Variants in MYOF observed in about 807,000 individuals in gnomAD.
MYOF encodes fer-1-like 3, myoferlin.
A neutral mutation model predicts 284.2 loss-of-function variants in MYOF; 244 were observed. The observed-to-expected ratio is 0.86, with a 90% CI of 0.77 to 0.95. The LOEUF (loss-of-function observed/expected upper bound fraction) is 0.95, where lower values mean the gene tolerates loss of function less well. Among genes scored for constraint, MYOF ranks in the 40% least tolerant of loss-of-function variants. MYOF has a pLI of 0.00. For synonymous variants in MYOF, 904 were observed against 919.7 expected (o/e 0.98, Z 0.31); for missense variants, 2,496 against 2,560.6 (o/e 0.97, Z 0.54).
intron 1 of MYOF, among the ~76,000 whole-genome samples, chr10:93,481,160 C>T (rs1316103748): frequency 1.3e-5 from 2 of 152,196 alleles, no homozygotes; most frequent in Non-Finnish European, 2.9e-5. Context: ...CCTGTCCCCT[C>T]CCCTGCAATG....
intron 50 of MYOF, among the ~76,000 whole-genome samples, chr10:93,314,158 A>T (rs1433465026): frequency 6.6e-6 from 1 of 152,112 alleles, no homozygotes; most frequent in Non-Finnish European, 1.5e-5. Flanking sequence ...ATGTGATCTC[A>T]GCTCACTGCA....
intron 1 of MYOF, among the ~76,000 whole-genome samples, chr10:93,464,187 C>T (rs2056951346): frequency 6.6e-6 from 1 of 152,186 alleles, no homozygotes; most frequent in African/African-American, 2.4e-5. Context: ...TAGACTCTAA[C>T]ATAGAAACCC....
intron 25 of MYOF, among the ~76,000 whole-genome samples, chr10:93,367,460 G>A (rs1341184344): frequency 6.6e-6 from 1 of 152,194 alleles, no homozygotes; most frequent in African/African-American, 2.4e-5. Context: ...GGAATCAAGA[G>A]GACACAATGG....
intron 23 of MYOF, 46 bp from the exon 24 acceptor site, chr10:93,373,131 T>C (rs1457140946): frequency 1.2e-6 from 2 of 1,612,724 alleles, no homozygotes; most frequent in East Asian, 2.2e-5. Flanking sequence ...CCATGGTTAG[T>C]CTAAATGGAG....
intron 42 of MYOF, 110 bp downstream of exon 42, chr10:93,333,648 T>G: frequency 7.2e-7 from 1 of 1,388,824 alleles, no homozygotes; most frequent in African/African-American, 1.4e-5. Context: ...ATGGAGTATC[T>G]TTCCCCTAGT....
chr10:93,466,193 G>T (rs1354521465), intron 1 of MYOF, among the ~76,000 whole-genome samples: 1 of 152,210 alleles, frequency 6.6e-6, no homozygotes. Flanking sequence ...CCCTCTCCAG[G>T]AGTGTCTCTG....
At chr10:93,354,731 G>A (rs1229071289) in intron 31 of MYOF, among the ~76,000 whole-genome samples, 4 of 141,724 alleles carry the variant, frequency 2.8e-5, no homozygotes, top group Non-Finnish European at 4.6e-5. Flanking sequence ...TTATGATTCC[G>A]TGCACAGATT....
intron 35 of MYOF, 63 bp from the exon 36 acceptor site, chr10:93,350,032 G>C: frequency 6.7e-7 from 1 of 1,494,978 alleles, no homozygotes; most frequent in Middle Eastern, 1.8e-4. Context: ...TATTCAAAAG[G>C]AAAAATTCTG....
Position 93,333,798 on chromosome 10 carries a change from A to G in MYOF, c.4679T>C (p.Val1560Ala). ...CTGGGGCTGGAGCTCTAAGCCTCGA[A>G]CAATGTAAATCCTAACCGTGCATTC... ...PQECTVRIYI[V>A]RGLELQPQDN... The change falls in exon 42 of 54, where the codon GTT becomes GCT. Residue 1560 changes from valine to alanine, a missense_variant. By Grantham distance (64) the Val-to-Ala change is moderately conservative. Coordinates refer to ENST00000359263, the MANE Select transcript of MYOF (RefSeq NM_013451.4). 1 of 1,614,216 alleles carries G rather than the reference A, an allele frequency of 6.2e-7. No individual in the cohort carries two copies. Among genetic ancestry groups the G allele is most frequent in the Non-Finnish European group, 8.5e-7 (1 of 1,180,036 alleles).
At chr10:93,373,197 C>A in intron 23 of MYOF, 112 bp from the exon 24 acceptor site, 1 of 1,265,536 alleles carries the variant, frequency 7.9e-7, no homozygotes, top group Non-Finnish European at 1.1e-6. Flanking sequence ...CAAAGAAACG[C>A]TGTGGTTAGG....
intron 51 of MYOF, among the ~76,000 whole-genome samples, chr10:93,311,891 T>C (rs2084305236): frequency 6.6e-6 from 1 of 152,186 alleles, no homozygotes; most frequent in Non-Finnish European, 1.5e-5. Context: ...ATGTGCAAAC[T>C]GCTGTATTGT....
intron 21 of MYOF, among the ~76,000 whole-genome samples, chr10:93,379,522 C>A (rs576235156): frequency 6.6e-6 from 1 of 152,260 alleles, no homozygotes; most frequent in South Asian, 2.1e-4. Flanking sequence ...CTTCTGCATC[C>A]TTCCCTTCAA....
Position 93,329,650 on chromosome 10 carries a change from T to G in MYOF, c.4982+14A>C. 1 of 1,613,344 alleles carries G rather than the reference T, an allele frequency of 6.2e-7. No individual in the cohort carries two copies. The highest frequency in any genetic ancestry group is 8.5e-7 in the Non-Finnish European group (1 of 1,179,976). ...AGGCAGCAAAGTGCCTCTTGTACAG[T>G]CAAAGCAACTTACACACAGTACTCC... is the stretch of plus-strand genomic sequence containing the variant. On this transcript the variant is annotated intron_variant, in intron 44 of 53. Transcript: ENST00000359263.
intron 26 of MYOF, among the ~76,000 whole-genome samples, chr10:93,365,121 C>T (rs144424747): frequency 1.7e-4 from 26 of 152,322 alleles, no homozygotes; most frequent in African/African-American, 6.0e-4. Context: ...GAATTGAAAG[C>T]AATCACATGC....
At chr10:93,316,847 T>C (rs767681469) in intron 49 of MYOF, 34 bp from the exon 50 acceptor site, 1 of 1,558,084 alleles carries the variant, frequency 6.4e-7, no homozygotes, top group South Asian at 1.1e-5. Flanking sequence ...ATGATGACTC[T>C]GAAACACTCA....
intron 12 of MYOF, 120 bp from the exon 13 acceptor site, chr10:93,399,615 T>G: frequency 3.0e-6 from 2 of 656,952 alleles, no homozygotes; most frequent in Non-Finnish European, 5.2e-6. Flanking sequence ...GGCTCATGCC[T>G]GTAATCCCAG....
intron 1 of MYOF, among the ~76,000 whole-genome samples, chr10:93,473,843 C>G (rs1316903271): frequency 6.6e-6 from 1 of 152,096 alleles, no homozygotes. Flanking sequence ...AAATGCTCCC[C>G]CATTTGATCT....
intron 51 of MYOF, among the ~76,000 whole-genome samples, chr10:93,312,061 C>T (rs564413795): frequency 7.6e-4 from 116 of 152,226 alleles, no homozygotes; most frequent in African/African-American, 2.8e-3. Flanking sequence ...AAATTGTGTA[C>T]TTTAAATGAA....
Position 93,325,863 on chromosome 10 carries a change from C to T in MYOF, c.5234G>A (p.Arg1745Lys). ...GGGCTGGAAGGTGCTGTGCAAAGTC[C>T]TTGTTTCCACGTGCTCAGGGACCAG... is the stretch of plus-strand genomic sequence containing the variant. Reference protein sequence around the residue: ...QGLVPEHVETRTLHSTFQPNI... With the variant: ...QGLVPEHVETKTLHSTFQPNI... The change falls in exon 46 of 54, where the codon AGG becomes AAG. Residue 1745 changes from arginine (R) to lysine (K), a missense_variant. Arg to Lys is a conservative substitution (Grantham distance 26, BLOSUM62 2). Around this residue, in one of 3 missense-constraint regions of MYOF, gnomAD observed 2,436 missense variants for 2,480.7 expected, o/e 0.98. Coordinates refer to ENST00000359263, the MANE Select transcript of MYOF (RefSeq NM_013451.4). The T allele has an allele frequency of 2.5e-6, 4 of 1,614,022 alleles. No homozygotes were observed. Among genetic ancestry groups the T allele is most frequent in the Non-Finnish European group, 1.7e-6 (2 of 1,180,016 alleles).
Sources: allele counts gnomAD v4.1 joint callset (sites outside exome capture counted in the v4.1 genomes callset), GRCh38; gene constraint gnomAD v4.1.1; regional missense constraint gnomAD v4.1.1; transcripts MANE v1.5; gene names NCBI Gene and HGNC (gene_info 2026-07-23, HGNC 2026-07-21).